ARL6: variants seen among roughly 807,000 people sequenced by gnomAD.
ARL6 encodes the protein ARF like GTPase 6, also known as ADP-ribosylation factor-like protein 6.
A neutral mutation model predicts 27.1 loss-of-function variants in ARL6; 18 were observed. The observed-to-expected ratio is 0.66, with a 90% CI of 0.46 to 0.98. The LOEUF is 0.98. Among genes scored for constraint, ARL6 ranks in the 50% least tolerant of loss-of-function variants. The probability of loss-of-function intolerance (pLI) is 0.00; values close to 1 mark genes in which losing one functional copy is unlikely to be tolerated. For missense variants in ARL6, 187 were observed against 214.9 expected (o/e 0.87, Z 0.81); for synonymous variants, 65 against 72.3 (o/e 0.90, Z 0.51).
chr3:97,797,918 G>C (rs576966452), intron 7 of ARL6, 106 bp from the exon 8 acceptor site: 1 of 1,016,720 alleles, frequency 9.8e-7, no homozygotes, highest in African/African-American at 1.6e-5. Context: ...AAAAGCACAT[G>C]TATACATAAG....
At chr3:97,766,716 G>A (rs1027834002) in intron 1 of ARL6, 1 of 152,166 alleles carries the variant, frequency 6.6e-6, no homozygotes, top group Non-Finnish European at 1.5e-5. Flanking sequence ...AAATTGTATG[G>A]AATAAAAAGT....
chr3:97,766,569 T>G (rs1280639417), intron 1 of ARL6: 1 of 152,194 alleles, frequency 6.6e-6, no homozygotes, highest in African/African-American at 2.4e-5. Context: ...GTTTTGAAAT[T>G]TCTACCCATA....
rs1490511827 is a variant in ARL6, at chr3:97,768,236, T to C, written c.123+6T>C. 6.2e-7 allele frequency: 1 copy of C among 1,611,566 alleles called. No homozygotes were observed. Among genetic ancestry groups the C allele is most frequent in the Non-Finnish European group, 8.5e-7 (1 of 1,178,186 alleles). On this transcript the variant is annotated splice_donor_region_variant and intron_variant, in intron 2 of 7. Transcript: ENST00000463745. The stretch of plus-strand genomic sequence containing the variant: ...ACAAACTTAAACCTTCAAATGTAAG[T>C]ATCTTTGTTAGATGCTTTATGTATT...
At chr3:97,785,131 C>A in intron 5 of ARL6, 82 bp downstream of exon 5, 1 of 1,039,050 alleles carries the variant, frequency 9.6e-7, no homozygotes, top group Non-Finnish European at 1.5e-6. Context: ...ATTGCTTATA[C>A]TATGTAATTA....
chr3:97,788,042 T>TA lies in ARL6; in HGVS notation c.403dup (p.Arg135LysfsTer21), dbSNP rs1177920663. ...TATTCTTTGCAAATAAAATGGATCT[T>TA]AGAGATGCAGTGACATCTGTAAAAG... On this transcript the variant is annotated frameshift_variant, in exon 6 of 8. Coordinates refer to ENST00000463745, the MANE Select transcript of ARL6 (RefSeq NM_001278293.3). LOFTEE classifies it high-confidence loss of function. The TA allele has an allele frequency of 6.2e-7, 1 of 1,613,170 alleles. No individual in the cohort carries two copies. The highest frequency in any genetic ancestry group is 8.5e-7 in the Non-Finnish European group (1 of 1,179,326).
chr3:97,791,073 C>A (rs371578136), intron 6 of ARL6: 108 of 152,102 alleles, frequency 7.1e-4, no homozygotes, highest in African/African-American at 2.4e-3. Flanking sequence ...TAAAATCTCA[C>A]AATAACAATT....
At chr3:97,797,106 C>T (rs2038039595) in intron 7 of ARL6, among the ~76,000 whole-genome samples, 1 of 151,820 alleles carries the variant, frequency 6.6e-6, no homozygotes, top group Non-Finnish European at 1.5e-5. Flanking sequence ...TAATGGAGAC[C>T]CTAGAATGAT....
At chr3:97,769,321 CA>C (rs1657693888) in intron 2 of ARL6, among the ~76,000 whole-genome samples, 1 of 151,938 alleles carries the variant, frequency 6.6e-6, no homozygotes, top group Non-Finnish European at 1.5e-5. Context: ...TCTTAGCTGT[CA>C]TTTTTTTAGA....
intron 6 of ARL6, 110 bp downstream of exon 6, chr3:97,788,229 T>C: frequency 8.7e-7 from 1 of 1,149,666 alleles, no homozygotes. Flanking sequence ...CATGGTGGCA[T>C]ATAAGCTAAG....
chr3:97,778,433 C>G (rs2037015434), intron 2 of ARL6, among the ~76,000 whole-genome samples: 1 of 152,118 alleles, frequency 6.6e-6, no homozygotes, highest in African/African-American at 2.4e-5. Flanking sequence ...TGACCAAGCT[C>G]CAGTGAATTT....
At chr3:97,794,592 CA>C (rs1344058680) in intron 7 of ARL6, among the ~76,000 whole-genome samples, 1 of 151,926 alleles carries the variant, frequency 6.6e-6, no homozygotes, top group Non-Finnish European at 1.5e-5. Flanking sequence ...TGAAAAGAGA[CA>C]AAAATCTATT....
chr3:97,777,701 G>A (rs1268185858), intron 2 of ARL6, among the ~76,000 whole-genome samples: 4 of 152,080 alleles, frequency 2.6e-5, no homozygotes, highest in Non-Finnish European at 4.4e-5. Flanking sequence ...ATTTGTTCTT[G>A]GATAGAGCAG....
At chr3:97,782,599 G>A (rs1559682214) in intron 4 of ARL6, among the ~76,000 whole-genome samples, 1 of 151,808 alleles carries the variant, frequency 6.6e-6, no homozygotes, top group Non-Finnish European at 1.5e-5. Flanking sequence ...CTGTGAGAAT[G>A]TAATATCTTT....
chr3:97,797,814 A>G (rs1023010774), intron 7 of ARL6, among the ~76,000 whole-genome samples: 1 of 152,206 alleles, frequency 6.6e-6, no homozygotes, highest in African/African-American at 2.4e-5. Flanking sequence ...CTCAACTACT[A>G]GAGAGGTTCA....
rs927024145 is a variant in ARL6 at position 97,788,254 on chromosome 3, G to A, written c.479+135G>A. The stretch of plus-strand genomic sequence containing the variant: ...TATAAGCTAAGGATTTTGTTTTGTA[G>A]AATTGTGGCATTGTAGGTTTTTACA... On this transcript the variant is annotated intron_variant, in intron 6 of 7. Transcript: ENST00000463745. 9 of 981,182 alleles carry A rather than the reference G, an allele frequency of 9.2e-6. No individual in the cohort carries two copies. In the Admixed American group the frequency reaches 2.2e-4, roughly 24 times the overall value. 60.8% of individuals were successfully genotyped at this position (981,182 alleles called of 1,614,324 possible).
intron 2 of ARL6, among the ~76,000 whole-genome samples, chr3:97,778,894 C>A (rs558478760): frequency 6.6e-5 from 10 of 151,618 alleles, no homozygotes; most frequent in African/African-American, 1.7e-4. Flanking sequence ...GAGATAGAAC[C>A]AAAAAGCTTA....
At chr3:97,787,778 A>C (rs905629647) in intron 5 of ARL6, among the ~76,000 whole-genome samples, 1 of 152,142 alleles carries the variant, frequency 6.6e-6, no homozygotes, top group Non-Finnish European at 1.5e-5. Flanking sequence ...TCCTAACCAG[A>C]GGGCAGATGG....
intron 2 of ARL6, among the ~76,000 whole-genome samples, chr3:97,772,619 C>CTT (rs571939797): frequency 8.8e-5 from 11 of 124,400 alleles, no homozygotes; most frequent in African/African-American, 2.4e-4. Context: ...AGGCTTGTTA[C>CTT]TTTTTTTTTT....
chr3:97,787,891 A>G, intron 5 of ARL6, 99 bp from the exon 6 acceptor site: 6 of 1,233,288 alleles, frequency 4.9e-6, no homozygotes, highest in Non-Finnish European at 7.0e-6. Flanking sequence ...ATGAAAAAAG[A>G]TAATTGAAAA....
Sources: allele counts gnomAD v4.1 joint callset (sites outside exome capture counted in the v4.1 genomes callset), GRCh38; gene constraint gnomAD v4.1.1; transcripts MANE v1.5; gene names NCBI Gene and HGNC (gene_info 2026-07-23, HGNC 2026-07-21).